Variants in LOXL2 observed in about 807,000 individuals in gnomAD.
LOXL2 encodes lysyl oxidase homolog 2.
In LOXL2, 70 loss-of-function variants were observed where a neutral mutation model predicts 93.0. The ratio of observed to expected loss-of-function variants is 0.75; its 90% confidence interval spans 0.62 to 0.92. LOXL2 has a LOEUF of 0.92. LOXL2 is among the 40% of genes least tolerant of loss of function. LOXL2 has a pLI of 0.00. For missense variants in LOXL2, 973 were observed against 1,054.9 expected, an observed-to-expected ratio of 0.92 and a Z score of 1.08; for synonymous variants, 438 against 413.2, an observed-to-expected ratio of 1.06 and a Z score of -0.73.
chr8:23,315,774 C>A (rs1368899254), intron 9 of LOXL2, among the ~76,000 whole-genome samples: 1 of 152,224 alleles, frequency 6.6e-6, no homozygotes, highest in Non-Finnish European at 1.5e-5. Context: ...CCATTTTAAG[C>A]CACTACCATT....
intron 4 of LOXL2, among the ~76,000 whole-genome samples, chr8:23,335,106 C>G (rs559828585): frequency 2.0e-5 from 3 of 152,176 alleles, no homozygotes; most frequent in African/African-American, 7.2e-5. Flanking sequence ...TGAGCTATCA[C>G]GCCAGACCAT....
intron 9 of LOXL2, among the ~76,000 whole-genome samples, chr8:23,314,979 A>C (rs560581219): frequency 6.6e-6 from 1 of 152,208 alleles, no homozygotes; most frequent in African/African-American, 2.4e-5. Context: ...AGGAGGCTGG[A>C]CAACACAAGC....
chr8:23,303,927 C>T (rs915418102), intron 10 of LOXL2, among the ~76,000 whole-genome samples: 1 of 152,228 alleles, frequency 6.6e-6, no homozygotes, highest in African/African-American at 2.4e-5. Flanking sequence ...AACATGTGCC[C>T]TGCACAGGAC....
chr8:23,383,950 G>A (rs57919424), intron 1 of LOXL2, among the ~76,000 whole-genome samples: 48,960 of 151,856 alleles, frequency 0.32, 8,017 homozygotes, highest in East Asian at 0.42. Flanking sequence ...GTGAGCCACC[G>A]TGCCCGGCCC....
intron 3 of LOXL2, among the ~76,000 whole-genome samples, chr8:23,358,316 T>C (rs748896939): frequency 2.0e-4 from 30 of 152,226 alleles, no homozygotes; most frequent in Admixed American, 6.5e-4. Flanking sequence ...TCCTTTCCTA[T>C]GCTATACAGC....
rs760665876 is a variant in LOXL2 at position 23,309,703 on chromosome 8, G to A, written c.1845C>T (p.Asn615=). The A allele has an allele frequency of 4.6e-5, 71 of 1,558,900 alleles. No homozygotes were observed. The Middle Eastern group carries it at 1.8e-3, about 39-fold the overall frequency. The stretch of plus-strand genomic sequence containing the variant: ...CGTGCCAGATCCACGCGTGGCGGCC[G>A]TTCTTGGGCCGGAAGTCGGACTGGC... ...NNGQSDFRPK[N]GRHAWIWHDC... is the part of the protein sequence containing the mutation. The change falls in exon 10 of 14, where the codon AAC becomes AAT. Residue 615 remains asparagine, a synonymous_variant. Transcript: ENST00000389131.
chr8:23,305,538 T>A, intron 10 of LOXL2, among the ~76,000 whole-genome samples: 1 of 99,648 alleles, frequency 1.0e-5, no homozygotes, highest in Non-Finnish European at 2.1e-5. Context: ...TACCCACCCA[T>A]TCCCCCCAGG....
chr8:23,343,094 C>T (rs1276796885), intron 3 of LOXL2, among the ~76,000 whole-genome samples: 1 of 152,204 alleles, frequency 6.6e-6, no homozygotes, highest in Non-Finnish European at 1.5e-5. Context: ...ACTAGCTCCT[C>T]TTTGTCTATG....
chr8:23,319,453 C>T (rs1803457702), intron 8 of LOXL2, among the ~76,000 whole-genome samples: 1 of 152,188 alleles, frequency 6.6e-6, no homozygotes, highest in African/African-American at 2.4e-5. Flanking sequence ...CGTGTTCAGA[C>T]CAGAGCGGGT....
chr8:23,310,123 G>A (rs890370581), intron 9 of LOXL2, among the ~76,000 whole-genome samples: 1 of 152,112 alleles, frequency 6.6e-6, no homozygotes, highest in Non-Finnish European at 1.5e-5. Context: ...TTCAGTTATC[G>A]GTGCAGATGA....
intron 8 of LOXL2, among the ~76,000 whole-genome samples, 182 bp downstream of exon 8, chr8:23,319,703 C>T (rs569102098): frequency 6.6e-6 from 1 of 152,280 alleles, no homozygotes; most frequent in South Asian, 2.1e-4. Flanking sequence ...TGCCCGAGGA[C>T]TCAGGCCTGT....
At chr8:23,360,891 G>C (rs2117205474) in intron 2 of LOXL2, among the ~76,000 whole-genome samples, 1 of 151,836 alleles carries the variant, frequency 6.6e-6, no homozygotes, top group East Asian at 1.9e-4. Context: ...TGAGGTTTGT[G>C]GGGTTTTTTT....
At chr8:23,316,923 T>TG in intron 9 of LOXL2, 26 bp downstream of exon 9, 1 of 1,554,528 alleles carries the variant, frequency 6.4e-7, no homozygotes, top group Non-Finnish European at 8.7e-7. Context: ...GGGAGCCCGG[T>TG]GGGGAGGGAG....
chr8:23,342,643 G>A (rs1007894168), intron 3 of LOXL2, among the ~76,000 whole-genome samples: 1 of 152,182 alleles, frequency 6.6e-6, no homozygotes, highest in South Asian at 2.1e-4. Context: ...ATGTTAGCCA[G>A]GATGGTCTCG....
intron 3 of LOXL2, among the ~76,000 whole-genome samples, chr8:23,357,423 T>G (rs1290292554): frequency 2.0e-5 from 3 of 152,214 alleles, no homozygotes. Context: ...GCTTTTGAAA[T>G]GACCCATCTT....
At chr8:23,367,240 G>T (rs534289659) in intron 2 of LOXL2, among the ~76,000 whole-genome samples, 1 of 152,014 alleles carries the variant, frequency 6.6e-6, no homozygotes, top group Non-Finnish European at 1.5e-5. Flanking sequence ...GTAGAGATGG[G>T]GTTTCCCCAT....
chr8:23,303,223 G>A, intron 11 of LOXL2, 59 bp downstream of exon 11: 1 of 1,041,764 alleles, frequency 9.6e-7, no homozygotes, highest in Non-Finnish European at 1.5e-6. Flanking sequence ...AGGTGATCGT[G>A]GAGGCAGAGG....
rs899035878 is a variant in LOXL2 at position 23,364,101 on chromosome 8, C to T, written c.356-3836G>A. On this transcript the variant is annotated intron_variant, in intron 2 of 13. Transcript: ENST00000389131. ...ATGTTGGCCAGGCTGGTCTCGAACA[C>T]CTGACCTCAGGTGATCTGCCTGCCT... The T allele has an allele frequency of 2.0e-5, 3 of 152,418 alleles. No homozygotes were observed. The East Asian group carries it at 5.8e-4, about 29-fold the overall frequency. The allele number at this position is 152,418 out of a possible 1,614,324, so 9.4% of individuals were successfully genotyped here.
chr8:23,369,088 A>G (rs1389457644), intron 1 of LOXL2, among the ~76,000 whole-genome samples: 2 of 152,158 alleles, frequency 1.3e-5, no homozygotes, highest in African/African-American at 4.8e-5. Context: ...GTGGAGAAGG[A>G]GCGGGTCTGA....
Sources: allele counts gnomAD v4.1 joint callset (sites outside exome capture counted in the v4.1 genomes callset), GRCh38; gene constraint gnomAD v4.1.1; transcripts MANE v1.5; gene names NCBI Gene and HGNC (gene_info 2026-07-23, HGNC 2026-07-21).